The following HNRNPA1 variants were observed in gnomAD, a reference collection of about 807,000 sequenced individuals.
HNRNPA1 encodes the protein epididymis secretory sperm binding protein.
A neutral mutation model predicts 44.4 loss-of-function variants in HNRNPA1; 7 were observed. That is an observed-to-expected ratio of 0.16 (90% CI 0.09 to 0.30). The LOEUF is 0.30. Ranked by LOEUF, HNRNPA1 falls within the 10% of genes least tolerant of loss-of-function variation. The probability of loss-of-function intolerance (pLI) is 1.00; values close to 1 mark genes in which losing one functional copy is unlikely to be tolerated. For missense variants in HNRNPA1, 193 were observed against 465.8 expected (o/e 0.41, Z 5.39); for synonymous variants, 169 against 160.6 (o/e 1.05, Z -0.40).
intron 9 of HNRNPA1, 122 bp downstream of exon 9, chr12:54,284,089 G>C: frequency 7.5e-7 from 1 of 1,339,086 alleles, no homozygotes; most frequent in Non-Finnish European, 1.0e-6. Context: ...CCTTCAGAAA[G>C]TGATAATTTG....
chr12:54,281,190 A>T (rs1944159037), intron 1 of HNRNPA1, 196 bp from the exon 2 acceptor site: 6 of 696,602 alleles, frequency 8.6e-6, no homozygotes, highest in East Asian at 2.7e-5. Context: ...GCGACTAGGG[A>T]CGCATGCGCT....
intron 1 of HNRNPA1, 198 bp downstream of exon 1, chr12:54,281,020 A>G (rs1381252394): frequency 4.2e-6 from 3 of 717,490 alleles, no homozygotes; most frequent in Non-Finnish European, 7.7e-6. Flanking sequence ...ACCATGAGTT[A>G]TCATGCGGGA....
In HNRNPA1 at chr12:54,285,384, TA is replaced by T. The variant is rs1372385741; in HGVS notation, c.*842del. ...CAGGGAATAGAAACTAGCTGCTGGC[TA>T]ATGCCGCTCCATAAATCCGCAGATT... On this transcript the variant is annotated 3_prime_UTR_variant, in exon 11 of 11. Coordinates refer to ENST00000340913, the MANE Select transcript of HNRNPA1 (RefSeq NM_031157.4). The T allele has an allele frequency of 6.6e-6, 1 of 152,242 alleles. No individual in the cohort carries two copies. Among genetic ancestry groups the T allele is most frequent in the East Asian group, 1.9e-4 (1 of 5,198 alleles). The allele number at this position is 152,242 out of a possible 1,614,324, so 9.4% of individuals were successfully genotyped here.
Position 54,280,798 on chromosome 12 carries a change from C to A in HNRNPA1, c.-10C>A, listed in dbSNP as rs754995468. 1 of 1,614,188 alleles carries A rather than the reference C, an allele frequency of 6.2e-7. No homozygotes were observed. Among genetic ancestry groups the A allele is most frequent in the South Asian group, 1.1e-5 (1 of 91,088 alleles). ...GAAGCATCGTTAAAGTCTCTCTTCA[C>A]CCTGCCGTCATGTCTAAGTCAGAGG... On this transcript the variant is annotated 5_prime_UTR_variant, in exon 1 of 11. Transcript: ENST00000340913.
rs969022620 is a variant in HNRNPA1, at chr12:54,283,140, A to T, written c.813A>T (p.Gly271=). The T allele has an allele frequency of 6.8e-6, 11 of 1,613,574 alleles. No individual in the cohort carries two copies. The highest frequency in any genetic ancestry group is 9.3e-6 in the Non-Finnish European group (11 of 1,179,788). ...GAAGCAGAGGCTATGGAAGTGGTGG[A>T]CAGGGTTATGGAAACCAGGGCAGTG... is the stretch of plus-strand genomic sequence containing the variant. The part of the protein sequence containing the change: ...SGGSRGYGSG[G]QGYGNQGSGY... The change falls in exon 8 of 11, where the codon GGA becomes GGT. Residue 271 remains glycine (G), a synonymous_variant. Transcript: ENST00000340913.
At chr12:54,281,197 C>G (rs887077441) in intron 1 of HNRNPA1, 189 bp from the exon 2 acceptor site, 2 of 697,168 alleles carry the variant, frequency 2.9e-6, no homozygotes, top group Non-Finnish European at 5.3e-6. Flanking sequence ...GGGACGCATG[C>G]GCTTGCGATT....
chr12:54,281,065 G>T (rs1238371534), intron 1 of HNRNPA1: 1 of 704,918 alleles, frequency 1.4e-6, no homozygotes. Flanking sequence ...AGGCACACAG[G>T]ATCTTTGTCT....
At chr12:54,282,965 A>G in intron 7 of HNRNPA1, 91 bp downstream of exon 7, 1 of 1,486,530 alleles carries the variant, frequency 6.7e-7, no homozygotes, top group Non-Finnish European at 9.1e-7. Flanking sequence ...GTGCATGTCA[A>G]ACTCAACTTT....
rs1031576300 is a variant in HNRNPA1 at position 54,286,937 on chromosome 12, CTT to C, written c.*2396_*2397del. The C allele has an allele frequency of 6.6e-6, 1 of 152,230 alleles. No homozygotes were observed. The highest frequency in any genetic ancestry group is 1.5e-5 in the Non-Finnish European group (1 of 68,046). The allele number at this position is 152,230 out of a possible 1,614,324, so 9.4% of individuals were successfully genotyped here. ...TGCTTATATGAATACTTTACAACCTCTTTTGCCTTTTGCAGGAACGTCCTTGT... is the reference window on the plus strand; with the variant it reads ...TGCTTATATGAATACTTTACAACCTCTTGCCTTTTGCAGGAACGTCCTTGT... On this transcript the variant is annotated 3_prime_UTR_variant, in exon 11 of 11. Transcript: ENST00000340913.
At chr12:54,281,663 C>T (rs1294558301) in intron 2 of HNRNPA1, 132 bp from the exon 3 acceptor site, 6 of 1,075,792 alleles carry the variant, frequency 5.6e-6, no homozygotes, top group South Asian at 1.4e-5. Context: ...CCTCTTAAAT[C>T]TAGGGTAGTG....
rs1480914735 is a variant in HNRNPA1, at chr12:54,285,889, AGGT to A, written c.*1354_*1356del. On this transcript the variant is annotated 3_prime_UTR_variant, in exon 11 of 11. Transcript: ENST00000340913. ...AGGAGGGTGGTGGGAGGTGGGTGGGAGGTGGTGGTGGGTGGGAAAGCATGGGTG... is the reference window on the plus strand; with the variant it reads ...AGGAGGGTGGTGGGAGGTGGGTGGGAGGTGGTGGGTGGGAAAGCATGGGTG... 1.2e-4 allele frequency: 1 copy of A among 8,164 alleles called. No homozygotes were observed. Among genetic ancestry groups the A allele is most frequent in the East Asian group, 2.0e-3 (1 of 488 alleles). The allele number at this position is 8,164 out of a possible 1,614,324, so 0.5% of individuals were successfully genotyped here. A position where few individuals can be genotyped will look rare whatever the true frequency, so the allele number is the denominator to read the frequency against.
chr12:54,286,236 T>A lies in HNRNPA1; in HGVS notation c.*1692T>A, dbSNP rs1465719156. 1 of 152,168 alleles carries A rather than the reference T, an allele frequency of 6.6e-6. No homozygotes were observed. The highest frequency in any genetic ancestry group is 1.5e-5 in the Non-Finnish European group (1 of 68,038). 9.4% of individuals were successfully genotyped at this position (152,168 alleles called of 1,614,324 possible). On this transcript the variant is annotated 3_prime_UTR_variant, in exon 11 of 11. Coordinates refer to ENST00000340913, the MANE Select transcript of HNRNPA1 (RefSeq NM_031157.4). ...ACAAGAGTAAGGCACACCTGACTCT[T>A]AGGACTAGCAGTCAGAACCAGGAGG...
rs1450102834 is a variant in HNRNPA1 at position 54,285,459 on chromosome 12, T to TTAATGA, written c.*916_*921dup. On this transcript the variant is annotated 3_prime_UTR_variant, in exon 11 of 11. Transcript: ENST00000340913. ...AAAATAACTAATATCAGAAAGCATTTTAATGAACGTAAAGATAGGCTTACA... is the reference window on the plus strand; with the variant it reads ...AAAATAACTAATATCAGAAAGCATTTTAATGATAATGAACGTAAAGATAGGCTTACA... The TTAATGA allele has an allele frequency of 1.3e-5, 2 of 152,224 alleles. No individual in the cohort carries two copies. Among genetic ancestry groups the TTAATGA allele is most frequent in the Admixed American group, 1.3e-4 (2 of 15,284 alleles). The allele number at this position is 152,224 out of a possible 1,614,324, so 9.4% of individuals were successfully genotyped here. A position where few individuals can be genotyped will look rare whatever the true frequency, so the allele number is the denominator to read the frequency against.
At chr12:54,282,061 A>G (rs778396113) in intron 3 of HNRNPA1, 29 bp from the exon 4 acceptor site, 1 of 1,607,966 alleles carries the variant, frequency 6.2e-7, no homozygotes, top group East Asian at 2.2e-5. Context: ...GGCTTTGCTA[A>G]TCTAAACCTA....
intron 2 of HNRNPA1, 143 bp downstream of exon 2, chr12:54,281,645 A>T: frequency 9.6e-7 from 1 of 1,036,482 alleles, no homozygotes; most frequent in Non-Finnish European, 1.4e-6. Flanking sequence ...CTTTGATTTT[A>T]AAAGCTACCT....
rs769216459 is a variant in HNRNPA1 at position 54,281,520 on chromosome 12, C to T, written c.132+18C>T. The T allele has an allele frequency of 6.4e-7, 1 of 1,553,468 alleles. No homozygotes were observed. The highest frequency in any genetic ancestry group is 2.2e-5 in the East Asian group (1 of 44,600). On this transcript the variant is annotated intron_variant, in intron 2 of 10. Transcript: ENST00000340913. Reference sequence around the variant, plus strand: ...ACTGTGTGGTAAGATTTGGAAGGGACAAAGCAGTAAAACAGCCGATTTCCT... The same window carrying T: ...ACTGTGTGGTAAGATTTGGAAGGGATAAAGCAGTAAAACAGCCGATTTCCT...
chr12:54,283,335 T>C, intron 8 of HNRNPA1, 101 bp downstream of exon 8: 1 of 1,342,718 alleles, frequency 7.4e-7, no homozygotes, highest in Non-Finnish European at 1.0e-6. Context: ...CACTGCATGG[T>C]ATATTAAAAA....
At chr12:54,282,326 TAAG>T (rs1944186173) in intron 4 of HNRNPA1, 26 bp downstream of exon 4, 1 of 1,611,624 alleles carries the variant, frequency 6.2e-7, no homozygotes, top group African/African-American at 1.3e-5. Context: ...TGGCATTTAG[TAAG>T]GGTTCCACAA....
At chr12:54,280,998 C>T (rs958719879) in intron 1 of HNRNPA1, 176 bp downstream of exon 1, 14 of 737,598 alleles carry the variant, frequency 1.9e-5, no homozygotes, top group Non-Finnish European at 2.7e-5. Context: ...GCCATGAGGC[C>T]GCTCTCCGCC....
Sources: gnomAD v4.1 joint callset for allele counts on GRCh38, gnomAD v4.1.1 for gene constraint, MANE v1.5 for transcripts, NCBI Gene and HGNC (gene_info 2026-07-23, HGNC 2026-07-21) for gene names.